INPP4A: variants seen among roughly 807,000 people sequenced by gnomAD.
INPP4A encodes the protein inositol polyphosphate-4-phosphatase type I A.
A neutral mutation model predicts 119.8 loss-of-function variants in INPP4A; 33 were observed. That is an observed-to-expected ratio of 0.28 (90% confidence interval 0.21 to 0.37). The LOEUF (loss-of-function observed/expected upper bound fraction) is 0.37. Among genes scored for constraint, INPP4A ranks in the 10% least tolerant of loss-of-function variants. INPP4A has a pLI of 1.00. For missense variants in INPP4A, 956 were observed against 1,289.9 expected, an observed-to-expected ratio of 0.74 and a Z score of 3.97; for synonymous variants, 496 against 500.7, an observed-to-expected ratio of 0.99 and a Z score of 0.12.
intron 1 of INPP4A, among the ~76,000 whole-genome samples, chr2:98,474,050 A>G (rs1676707919): frequency 1.3e-5 from 2 of 152,204 alleles, no homozygotes; most frequent in African/African-American, 2.4e-5. Context: ...GCAGTCTGCC[A>G]TATACAGACA....
At chr2:98,584,374 G>A (rs1179671685) in intron 24 of INPP4A, among the ~76,000 whole-genome samples, 4 of 152,216 alleles carry the variant, frequency 2.6e-5, no homozygotes, top group Non-Finnish European at 5.9e-5. Flanking sequence ...TCCACAGCAG[G>A]GCTAGTGGCT....
chr2:98,535,868 G>A (rs377258380), intron 6 of INPP4A, 23 bp downstream of exon 6: 76 of 1,220,280 alleles, frequency 6.2e-5, no homozygotes, highest in African/African-American at 4.0e-4. Flanking sequence ...GTTGTAGTTC[G>A]TGGGATTTTC....
rs75369540 is a variant in INPP4A at position 98,503,582 on chromosome 2, A to G, written c.-165-15382A>G. ...TTTGTCTTGGAGTTGTGTTATCTGA[A>G]TGTTTTACTCCATCATTAAACTGTT... On this transcript the variant is annotated intron_variant, in intron 1 of 24. Coordinates refer to ENST00000409851, the MANE Select transcript of INPP4A (RefSeq NM_001134225.2). Among the ~76,000 whole-genome samples the G allele has an allele frequency of 6.8e-4, 104 of 152,306 alleles. 2 individuals are homozygous for G. In the East Asian group the frequency reaches 0.01, roughly 15 times the overall value.
chr2:98,513,944 C>T (rs1050544231), intron 1 of INPP4A, among the ~76,000 whole-genome samples: 4 of 152,272 alleles, frequency 2.6e-5, no homozygotes, highest in South Asian at 2.1e-4. Context: ...AATTGGTGGC[C>T]CTGAAGCCCC....
At chr2:98,530,927 A>G (rs1022103469) in intron 4 of INPP4A, among the ~76,000 whole-genome samples, 1 of 152,252 alleles carries the variant, frequency 6.6e-6, no homozygotes, top group African/African-American at 2.4e-5. Flanking sequence ...GAAGTGCAAG[A>G]TAAAGATGCT....
chr2:98,573,318 TCTC>T (rs1326252766), intron 23 of INPP4A, among the ~76,000 whole-genome samples: 1 of 152,208 alleles, frequency 6.6e-6, no homozygotes, highest in Non-Finnish European at 1.5e-5. Context: ...GTGCCTCTGA[TCTC>T]CTCATTTTCC....
intron 24 of INPP4A, among the ~76,000 whole-genome samples, chr2:98,585,837 A>G (rs1699891133): frequency 6.6e-6 from 1 of 152,252 alleles, no homozygotes; most frequent in Admixed American, 6.5e-5. Context: ...ATAAAAGATA[A>G]TGTCAAAGTT....
At chr2:98,491,120 A>G (rs1680655250) in intron 1 of INPP4A, among the ~76,000 whole-genome samples, 1 of 152,246 alleles carries the variant, frequency 6.6e-6, no homozygotes, top group Non-Finnish European at 1.5e-5. Context: ...AGACCCAGTT[A>G]ATCAAAAACA....
At chr2:98,538,380 CA>C (rs1437207743) in intron 8 of INPP4A, among the ~76,000 whole-genome samples, 1 of 152,212 alleles carries the variant, frequency 6.6e-6, no homozygotes, top group Non-Finnish European at 1.5e-5. Flanking sequence ...TCTCCTGGTG[CA>C]CACCTTCACC....
rs201365218 is a variant in INPP4A, at chr2:98,550,950, CT to C, written c.1164-1825del. ...AAATATTGGGGGCCTGGGAAGAATC[CT>C]TTTTTTTTTTCCACTGTTTTTGGAG... On this transcript the variant is annotated intron_variant, in intron 13 of 24. Transcript: ENST00000409851. Among the ~76,000 whole-genome samples the C allele has an allele frequency of 7.3e-3, 1,064 of 146,636 alleles. 10 individuals carry two copies. The highest frequency in any genetic ancestry group is 0.021 in the Middle Eastern group (6 of 286).
chr2:98,561,694 GTA>G (rs947045095), intron 17 of INPP4A, among the ~76,000 whole-genome samples: 1 of 152,164 alleles, frequency 6.6e-6, no homozygotes, highest in Non-Finnish European at 1.5e-5. Flanking sequence ...AAGACCAGTT[GTA>G]TATTTTGATC....
At position 98,546,022 on chromosome 2, in the gene INPP4A, C is replaced by G; in HGVS notation, c.1003C>G (p.Pro335Ala). Residue 335 changes from proline (P) to alanine (A), a missense_variant, in exon 12 of 25, where the codon CCC (proline) becomes GCC (alanine). Physicochemically the swap from Pro to Ala is conservative, Grantham distance 27. Around this residue, in one of 2 missense-constraint regions of INPP4A, gnomAD observed 652 missense variants for 797.9 expected, o/e 0.82. Coordinates refer to ENST00000409851, the MANE Select transcript of INPP4A (RefSeq NM_001134225.2). This position sits in a 1 kb window ranked among gnomAD's most constrained non-coding sequence, Gnocchi z 4.2. ...AGCAGATAAAAAGTTAGAATTTGTT[C>G]CCACAAACTTGCACATACAAAGGAT... ...LKADKKLEFV[P>A]TNLHIQRMRV... is the part of the protein sequence containing the mutation. The G allele has an allele frequency of 6.3e-7, 1 of 1,593,644 alleles. No individual in the cohort carries two copies. The highest frequency in any genetic ancestry group is 8.6e-7 in the Non-Finnish European group (1 of 1,169,488).
At chr2:98,445,973 C>A (rs1196175422) in intron 1 of INPP4A, among the ~76,000 whole-genome samples, 1 of 152,148 alleles carries the variant, frequency 6.6e-6, no homozygotes, top group African/African-American at 2.4e-5. Flanking sequence ...GCATTTAAAC[C>A]AAGGGAATGG....
At chr2:98,499,531 C>G (rs574328385) in intron 1 of INPP4A, among the ~76,000 whole-genome samples, 8 of 152,156 alleles carry the variant, frequency 5.3e-5, no homozygotes, top group Non-Finnish European at 8.8e-5. Context: ...TGCAGAACTC[C>G]AAAATTTATG....
chr2:98,535,935 C>T (rs1400168490), intron 6 of INPP4A, 90 bp downstream of exon 6: 1 of 753,384 alleles, frequency 1.3e-6, no homozygotes, highest in Non-Finnish European at 2.3e-6. Flanking sequence ...AGATTGACTT[C>T]ACTACTGGCT....
At chr2:98,498,041 T>C (rs1350219814) in intron 1 of INPP4A, among the ~76,000 whole-genome samples, 1 of 152,216 alleles carries the variant, frequency 6.6e-6, no homozygotes, top group African/African-American at 2.4e-5. Context: ...TGTGGACTTT[T>C]GAGTTAATGC....
chr2:98,543,154 C>A (rs530698893), intron 10 of INPP4A, among the ~76,000 whole-genome samples: 1 of 152,092 alleles, frequency 6.6e-6, no homozygotes, highest in African/African-American at 2.4e-5. Context: ...TCTAGCTCCT[C>A]TCTTACATAG....
Position 98,588,457 on chromosome 2 carries a change from T to G in INPP4A, c.*849T>G, listed in dbSNP as rs949604629. 9.6e-6 allele frequency: 2 copies of G among 207,494 alleles called. No individual in the cohort carries two copies. The highest frequency in any genetic ancestry group is 4.6e-5 in the African/African-American group (2 of 43,900). The allele number at this position is 207,494 out of a possible 1,614,324, so 12.9% of individuals were successfully genotyped here. ...GCATGTCAACACTCCCATGGGGAAT[T>G]TATGACCATAGAGATAGTAGAAACC... On this transcript the variant is annotated 3_prime_UTR_variant, in exon 25 of 25. Transcript: ENST00000409851.
At position 98,591,757 on chromosome 2, in the gene INPP4A, G is replaced by C. The variant is rs1055202794; in HGVS notation, c.*4149G>C. On this transcript the variant is annotated 3_prime_UTR_variant, in exon 25 of 25. Coordinates refer to ENST00000409851, the MANE Select transcript of INPP4A (RefSeq NM_001134225.2). The stretch of plus-strand genomic sequence containing the variant: ...GCTTCCCGATTTGTGATTTTTCCAA[G>C]AACAGAAATGATTAGCCATGTGGGG... The C allele has an allele frequency of 1.3e-5, 2 of 152,298 alleles. No homozygotes were observed. Among genetic ancestry groups the C allele is most frequent in the Admixed American group, 6.5e-5 (1 of 15,286 alleles). 9.4% of individuals were successfully genotyped at this position (152,298 alleles called of 1,614,324 possible).
Sources: allele counts gnomAD v4.1 joint callset (sites outside exome capture counted in the v4.1 genomes callset), GRCh38; gene constraint gnomAD v4.1.1; regional missense constraint gnomAD v4.1.1; non-coding constraint Gnocchi (gnomAD v3.1); transcripts MANE v1.5; gene names NCBI Gene and HGNC (gene_info 2026-07-23, HGNC 2026-07-21).